SLC30A8: variants seen among roughly 807,000 people sequenced by gnomAD.
SLC30A8 encodes proton-coupled zinc antiporter SLC30A8.
A neutral mutation model predicts 36.9 loss-of-function variants in SLC30A8; 27 were observed. That is an observed-to-expected ratio of 0.73 (90% CI 0.54 to 1.01). The LOEUF (loss-of-function observed/expected upper bound fraction) is 1.01, where lower values mean the gene tolerates loss of function less well. SLC30A8 is among the 50% of genes least tolerant of loss of function. The pLI, the probability that SLC30A8 is intolerant of heterozygous loss-of-function variation, is 0.00. For synonymous variants in SLC30A8, 164 were observed against 172.4 expected (o/e 0.95, Z 0.38); for missense variants, 439 against 452.0 (o/e 0.97, Z 0.26).
intron 1 of SLC30A8, among the ~76,000 whole-genome samples, chr8:117,034,333 G>A (rs184346318): frequency 6.6e-6 from 1 of 152,186 alleles, no homozygotes; most frequent in Non-Finnish European, 1.5e-5. Context: ...CCCACATCCA[G>A]TCCTGCTTCA....
chr8:116,980,817 A>T (rs1704419888), intron 1 of SLC30A8, among the ~76,000 whole-genome samples: 1 of 152,232 alleles, frequency 6.6e-6, no homozygotes. Context: ...CAATGCACAT[A>T]TGAATATTTC....
chr8:117,046,301 A>G (rs1269084918), intron 2 of SLC30A8, among the ~76,000 whole-genome samples: 4 of 152,196 alleles, frequency 2.6e-5, no homozygotes, highest in Non-Finnish European at 5.9e-5. Context: ...CAATTTGATA[A>G]GTCTTCCACT....
At chr8:117,038,754 C>A (rs1817294278) in intron 1 of SLC30A8, among the ~76,000 whole-genome samples, 1 of 152,266 alleles carries the variant, frequency 6.6e-6, no homozygotes, top group East Asian at 1.9e-4. Context: ...TTCGATGCTC[C>A]ACACTTTGGC....
At chr8:117,000,475 A>C (rs939515100) in intron 1 of SLC30A8, among the ~76,000 whole-genome samples, 11 of 152,212 alleles carry the variant, frequency 7.2e-5, no homozygotes, top group African/African-American at 2.7e-4. Flanking sequence ...AAAGTGTATA[A>C]ATTGTAAACT....
At chr8:117,056,775 A>G (rs987184943) in intron 2 of SLC30A8, among the ~76,000 whole-genome samples, 1 of 152,126 alleles carries the variant, frequency 6.6e-6, no homozygotes, top group Non-Finnish European at 1.5e-5. Flanking sequence ...TCTTTTTCAG[A>G]TACTCTTCTC....
intron 1 of SLC30A8, among the ~76,000 whole-genome samples, chr8:116,972,645 A>G (rs560197811): frequency 2.0e-5 from 3 of 152,224 alleles, no homozygotes; most frequent in Admixed American, 6.5e-5. Context: ...TTGGGGGACC[A>G]TAGTGACCAG....
intron 1 of SLC30A8, among the ~76,000 whole-genome samples, chr8:117,032,157 CT>C (rs370599939): frequency 0.04 from 5,927 of 146,790 alleles, 147 homozygotes; most frequent in South Asian, 0.077. Flanking sequence ...TCCTGCCATG[CT>C]TTTTTTTTTT....
intron 2 of SLC30A8, among the ~76,000 whole-genome samples, chr8:117,091,085 A>G (rs1311795563): frequency 6.0e-5 from 9 of 150,562 alleles, no homozygotes; most frequent in African/African-American, 2.0e-4. Flanking sequence ...TTTTTTTTGC[A>G]CTTAGATTGG....
At chr8:116,963,574 T>C (rs1268946915) in intron 1 of SLC30A8, among the ~76,000 whole-genome samples, 2 of 152,258 alleles carry the variant, frequency 1.3e-5, no homozygotes, top group Non-Finnish European at 2.9e-5. Flanking sequence ...GTTTCGTCCA[T>C]ATTGCATTAG....
chr8:117,103,103 G>A (rs1819798939), intron 2 of SLC30A8, among the ~76,000 whole-genome samples: 1 of 151,924 alleles, frequency 6.6e-6, no homozygotes, highest in Non-Finnish European at 1.5e-5. Context: ...TTTAAATCAG[G>A]TATGGGTGAG....
chr8:117,154,636 C>T (rs781472345), intron 3 of SLC30A8, among the ~76,000 whole-genome samples: 11 of 152,306 alleles, frequency 7.2e-5, no homozygotes, highest in African/African-American at 1.4e-4. Context: ...TTTGTGACAA[C>T]GTGATCTGAG....
intron 2 of SLC30A8, among the ~76,000 whole-genome samples, chr8:117,089,447 C>A (rs1819016880): frequency 6.6e-6 from 1 of 152,188 alleles, no homozygotes; most frequent in Non-Finnish European, 1.5e-5. Context: ...ACATTGACTA[C>A]TTGCCCAAAT....
chr8:117,062,319 G>T (rs1018611948), intron 2 of SLC30A8, among the ~76,000 whole-genome samples: 3 of 152,186 alleles, frequency 2.0e-5, no homozygotes, highest in African/African-American at 7.2e-5. Flanking sequence ...ATTTGCTCAT[G>T]GTTCTGCAGG....
intron 2 of SLC30A8, among the ~76,000 whole-genome samples, chr8:117,110,244 A>G (rs1379686793): frequency 6.6e-6 from 1 of 151,366 alleles, no homozygotes; most frequent in Non-Finnish European, 1.5e-5. Flanking sequence ...TTTTATAGAG[A>G]CTCAGCAACA....
chr8:117,058,691 A>G (rs913122686), intron 2 of SLC30A8, among the ~76,000 whole-genome samples: 1 of 152,218 alleles, frequency 6.6e-6, no homozygotes, highest in Non-Finnish European at 1.5e-5. Context: ...CCTATGAACT[A>G]AGAATGCTTT....
intron 2 of SLC30A8, among the ~76,000 whole-genome samples, chr8:117,122,256 T>G (rs1262397180): frequency 3.3e-5 from 5 of 151,960 alleles, no homozygotes; most frequent in African/African-American, 4.8e-5. Context: ...AGCTGCAACA[T>G]TTAGGCCCTG....
intron 1 of SLC30A8, among the ~76,000 whole-genome samples, chr8:116,961,195 C>T (rs959180702): frequency 2.0e-5 from 3 of 152,078 alleles, no homozygotes; most frequent in Non-Finnish European, 2.9e-5. Flanking sequence ...TTTGGGAGGC[C>T]GAGGTGGTTG....
chr8:116,962,418 C>T (rs550770754), intron 1 of SLC30A8, among the ~76,000 whole-genome samples: 2 of 151,994 alleles, frequency 1.3e-5, no homozygotes, highest in African/African-American at 4.8e-5. Context: ...TTCCTGTCTT[C>T]ATTTTAACCT....
At chr8:117,040,562 G>T (rs1394871) in intron 2 of SLC30A8, among the ~76,000 whole-genome samples, 50,038 of 151,970 alleles carry the variant, frequency 0.33, 10,268 homozygotes, top group African/African-American at 0.59. Context: ...AAAGATGAAA[G>T]AATTTTTCCT....
Sources: gnomAD v4.1 joint callset for allele counts (sites outside exome capture counted in the v4.1 genomes callset) on GRCh38, gnomAD v4.1.1 for gene constraint, MANE v1.5 for transcripts, NCBI Gene and HGNC (gene_info 2026-07-23, HGNC 2026-07-21) for gene names.